Variants in RILPL2 observed in about 807,000 individuals in gnomAD.
RILPL2 encodes Rab interacting lysosomal protein like 2, also known as RILP-like protein 2.
Under a neutral mutation model 22.2 loss-of-function variants are expected in RILPL2, and 19 were observed. The ratio of observed to expected loss-of-function variants is 0.86; its 90% CI spans 0.60 to 1.25. The LOEUF (loss-of-function observed/expected upper bound fraction) is 1.25, where lower values mean the gene tolerates loss of function less well. Ranked by LOEUF, RILPL2 falls within the 50% of genes most tolerant of loss-of-function variation. The probability of loss-of-function intolerance (pLI) is 0.00; values close to 1 mark genes in which losing one functional copy is unlikely to be tolerated. For missense variants in RILPL2, 243 were observed against 263.6 expected (o/e 0.92, Z 0.54); for synonymous variants, 123 against 111.6 (o/e 1.10, Z -0.64).
In RILPL2 at chr12:123,415,841, G is replaced by A. The variant is rs369269658; in HGVS notation, c.*50C>T. Reference sequence around the variant, plus strand: ...GGAGGTGGTTTTGCCAGGCATCTTGGAAGGTTGTCTTCTAGAATCAGAGCC... The same window carrying A: ...GGAGGTGGTTTTGCCAGGCATCTTGAAAGGTTGTCTTCTAGAATCAGAGCC... On this transcript the variant is annotated 3_prime_UTR_variant, in exon 4 of 4. Transcript: ENST00000280571. 1.1e-4 allele frequency: 179 copies of A among 1,596,830 alleles called. No homozygotes were observed. Among genetic ancestry groups the A allele is most frequent in the Non-Finnish European group, 1.4e-4 (168 of 1,164,362 alleles).
downstream of RILPL2, chr12:123,413,206 C>CA (rs1035340098): frequency 3.5e-4 from 57 of 163,534 alleles, no homozygotes; most frequent in South Asian, 8.5e-4. Context: ...CACCACCCCC[C>CA]AAAAAAAAGC....
chr12:123,417,214 G>A (rs533303511), intron 3 of RILPL2, among the ~76,000 whole-genome samples: 20 of 151,710 alleles, frequency 1.3e-4, no homozygotes, highest in African/African-American at 2.2e-4. Context: ...TGGGAGGATC[G>A]CTTGAAACTG....
At chr12:123,418,317 T>C (rs1237149728) in intron 3 of RILPL2, among the ~76,000 whole-genome samples, 1 of 152,194 alleles carries the variant, frequency 6.6e-6, no homozygotes, top group African/African-American at 2.4e-5. Context: ...TTCCAGGACT[T>C]CCCAACTCGA....
At chr12:123,413,593 G>A (rs1000040163), downstream of RILPL2, 1 of 152,278 alleles carries the variant, frequency 6.6e-6, no homozygotes, top group Non-Finnish European at 1.5e-5. Flanking sequence ...AGAGTAAGCA[G>A]TAGTAAGATT....
chr12:123,425,042 G>A (rs1194585473), intron 2 of RILPL2, among the ~76,000 whole-genome samples: 3 of 151,786 alleles, frequency 2.0e-5, no homozygotes, highest in African/African-American at 7.3e-5. Context: ...ACCACGCCCG[G>A]CTAATTTTTT....
intron 2 of RILPL2, among the ~76,000 whole-genome samples, chr12:123,425,582 A>G (rs2139242859): frequency 6.6e-6 from 1 of 152,242 alleles, no homozygotes; most frequent in South Asian, 2.1e-4. Context: ...TGTGAGTGTG[A>G]AAGGGCAGGA....
intron 1 of RILPL2, 120 bp downstream of exon 1, chr12:123,435,962 T>C: frequency 7.2e-7 from 1 of 1,390,268 alleles, no homozygotes; most frequent in Non-Finnish European, 9.5e-7. Flanking sequence ...ATCCCATCTC[T>C]TAAAAAAAGA....
At chr12:123,410,227 G>A (rs1382738649), downstream of RILPL2, among the ~76,000 whole-genome samples, 1 of 152,144 alleles carries the variant, frequency 6.6e-6, no homozygotes, top group Non-Finnish European at 1.5e-5. Flanking sequence ...TTGTCATTGC[G>A]ACTTATAATT....
chr12:123,423,659 CT>C (rs35205288), intron 2 of RILPL2, among the ~76,000 whole-genome samples: 72 of 139,416 alleles, frequency 5.2e-4, no homozygotes, highest in East Asian at 4.3e-4. Context: ...TGCCTCGTTT[CT>C]TTTTTTTTTT....
At chr12:123,411,038 A>ATT (rs1281312330), downstream of RILPL2, 2 of 148,624 alleles carry the variant, frequency 1.3e-5, no homozygotes, top group Admixed American at 6.9e-5. Context: ...ATTTTTATTT[A>ATT]TTTATTTATT....
At chr12:123,433,362 G>A (rs938521088) in intron 1 of RILPL2, among the ~76,000 whole-genome samples, 1 of 152,174 alleles carries the variant, frequency 6.6e-6, no homozygotes, top group African/African-American at 2.4e-5. Context: ...GCCTCCCAAA[G>A]TGTTGGGATT....
chr12:123,427,655 C>A (rs1007125048), intron 2 of RILPL2, among the ~76,000 whole-genome samples: 3 of 152,098 alleles, frequency 2.0e-5, no homozygotes, highest in Admixed American at 6.6e-5. Flanking sequence ...AATTCTCCTG[C>A]CTCAGCCTCC....
At chr12:123,417,163 ATGG>A (rs1325243034) in intron 3 of RILPL2, among the ~76,000 whole-genome samples, 1 of 151,730 alleles carries the variant, frequency 6.6e-6, no homozygotes, top group African/African-American at 2.4e-5. Flanking sequence ...GCTGGGCATG[ATGG>A]TGAACACCTG....
At chr12:123,429,494 A>G (rs1189260753) in intron 2 of RILPL2, among the ~76,000 whole-genome samples, 9 of 150,340 alleles carry the variant, frequency 6.0e-5, no homozygotes, top group Non-Finnish European at 8.9e-5. Flanking sequence ...ATGGGGTTTC[A>G]CCATGTTGGC....
At chr12:123,430,967 G>A (rs961802760) in intron 1 of RILPL2, among the ~76,000 whole-genome samples, 1 of 152,088 alleles carries the variant, frequency 6.6e-6, no homozygotes, top group African/African-American at 2.4e-5. Context: ...CCAAAGTGCT[G>A]GGATTACAGG....
intron 1 of RILPL2, among the ~76,000 whole-genome samples, chr12:123,435,485 G>A (rs1879769328): frequency 6.6e-6 from 1 of 151,976 alleles, no homozygotes; most frequent in South Asian, 2.1e-4. Flanking sequence ...ACATCCACAA[G>A]CCCAGCACTT....
At chr12:123,424,726 T>C (rs1439606547) in intron 2 of RILPL2, among the ~76,000 whole-genome samples, 1 of 152,196 alleles carries the variant, frequency 6.6e-6, no homozygotes, top group African/African-American at 2.4e-5. Flanking sequence ...CTGACCAAAA[T>C]GAAACATTTC....
At chr12:123,429,781 AT>A (rs1879563560) in intron 2 of RILPL2, among the ~76,000 whole-genome samples, 1 of 151,266 alleles carries the variant, frequency 6.6e-6, no homozygotes, top group South Asian at 2.1e-4. Context: ...TAATTTTTGT[AT>A]TTTTAATGGA....
chr12:123,420,889 C>T (rs1297168041), intron 3 of RILPL2, among the ~76,000 whole-genome samples: 1 of 152,126 alleles, frequency 6.6e-6, no homozygotes, highest in Non-Finnish European at 1.5e-5. Flanking sequence ...GTCTGAGTTC[C>T]ACCACCACTG....
Sources: gnomAD v4.1 joint callset for allele counts (sites outside exome capture counted in the v4.1 genomes callset) on GRCh38, gnomAD v4.1.1 for gene constraint, MANE v1.5 for transcripts, NCBI Gene and HGNC (gene_info 2026-07-23, HGNC 2026-07-21) for gene names.